Variants in HPCAL1 observed in about 807,000 individuals in gnomAD.
HPCAL1 encodes hippocalcin like 1, also known as hippocalcin-like protein 1.
In HPCAL1, 8 loss-of-function variants were observed where a neutral mutation model predicts 17.1. The ratio of observed to expected loss-of-function variants is 0.47; its 90% CI spans 0.27 to 0.84. HPCAL1 has a LOEUF of 0.84. HPCAL1 is among the 40% of genes least tolerant of loss of function. HPCAL1 has a pLI of 0.13. For missense variants in HPCAL1, 165 were observed against 271.1 expected, an observed-to-expected ratio of 0.61 and a Z score of 2.75; for synonymous variants, 112 against 111.4, an observed-to-expected ratio of 1.01 and a Z score of -0.03.
chr2:10,305,808 A>G (rs529728329), intron 1 of HPCAL1, among the ~76,000 whole-genome samples: 1 of 152,330 alleles, frequency 6.6e-6, no homozygotes, highest in South Asian at 2.1e-4. Flanking sequence ...AGTGCAGTCT[A>G]TGGAAGGACA....
At position 10,342,475 on chromosome 2, in the gene HPCAL1, A is replaced by G. The variant is rs1396838648; in HGVS notation, c.-111+39298A>G. On this transcript the variant is annotated intron_variant, in intron 1 of 4. Coordinates refer to ENST00000307845, the MANE Select transcript of HPCAL1 (RefSeq NM_002149.4). The surrounding 1 kb of genome is among the most constrained non-coding windows in gnomAD (Gnocchi z 4.1). Reference sequence around the variant, plus strand: ...AAAGGGAGGCGTGCAGAAACAACGTAGCTCCAAGGAGGACTGATCAGCCCA... The same window carrying G: ...AAAGGGAGGCGTGCAGAAACAACGTGGCTCCAAGGAGGACTGATCAGCCCA... Among the ~76,000 whole-genome samples, 1 of 141,802 alleles carries G rather than the reference A, an allele frequency of 7.1e-6. No homozygotes were observed. The allele number at this position is 141,802 out of a possible 152,430, so 93.0% of individuals were successfully genotyped here.
intron 1 of HPCAL1, among the ~76,000 whole-genome samples, chr2:10,371,843 G>A (rs917736161): frequency 1.3e-5 from 2 of 152,308 alleles, no homozygotes; most frequent in African/African-American, 2.4e-5. Flanking sequence ...CCTTGGGGAC[G>A]TCTGGCTTTG....
intron 4 of HPCAL1, chr2:10,424,406 C>A (rs1382462598): frequency 6.8e-6 from 3 of 443,924 alleles, no homozygotes; most frequent in African/African-American, 4.0e-5. Flanking sequence ...GCTGTCCGCT[C>A]CTCGTGGGGA....
In HPCAL1 at chr2:10,415,143, G is replaced by A. The variant is rs368294372; in HGVS notation, c.-24-4591G>A. On this transcript the variant is annotated intron_variant, in intron 2 of 4. Coordinates refer to ENST00000307845, the MANE Select transcript of HPCAL1 (RefSeq NM_002149.4). Reference sequence around the variant, plus strand: ...GACATAGCGCAGAGTGGGACAGCCCGGTGGGTCAACCCCTGCCTGGTTCTG... The same window carrying A: ...GACATAGCGCAGAGTGGGACAGCCCAGTGGGTCAACCCCTGCCTGGTTCTG... Among the ~76,000 whole-genome samples the A allele has an allele frequency of 2.3e-3, 347 of 152,352 alleles. 1 individual carries two copies. Among genetic ancestry groups the A allele is most frequent in the African/African-American group, 7.8e-3 (325 of 41,582 alleles).
At position 10,343,394 on chromosome 2, in the gene HPCAL1, G is replaced by A. The variant is rs1432928777; in HGVS notation, c.-111+40217G>A. Among the ~76,000 whole-genome samples the A allele has an allele frequency of 5.3e-5, 8 of 152,252 alleles. No individual in the cohort carries two copies. The highest frequency in any genetic ancestry group is 1.2e-4 in the Non-Finnish European group (8 of 68,042). ...CTCACTAGCATGTGAAGGACTGATA[G>A]CACCATATCTCCCTCCAGGACTCCC... On this transcript the variant is annotated intron_variant, in intron 1 of 4. Coordinates refer to ENST00000307845, the MANE Select transcript of HPCAL1 (RefSeq NM_002149.4). This position sits in a 1 kb window ranked among gnomAD's most constrained non-coding sequence, Gnocchi z 4.8.
chr2:10,352,277 T>C (rs1017581929), intron 1 of HPCAL1, among the ~76,000 whole-genome samples: 1 of 152,114 alleles, frequency 6.6e-6, no homozygotes, highest in Non-Finnish European at 1.5e-5. Context: ...CCTCTCCCCA[T>C]CTCACTGTTC....
At position 10,395,535 on chromosome 2, in the gene HPCAL1, G is replaced by A. The variant is rs1017325573; in HGVS notation, c.-110-1300G>A. 4.6e-5 allele frequency among the ~76,000 whole-genome samples: 7 copies of A among 152,316 alleles called. No homozygotes were observed. Among genetic ancestry groups the A allele is most frequent in the South Asian group, 2.1e-4 (1 of 4,832 alleles). On this transcript the variant is annotated intron_variant, in intron 1 of 4. Coordinates refer to ENST00000307845, the MANE Select transcript of HPCAL1 (RefSeq NM_002149.4). The surrounding 1 kb of genome is among the most constrained non-coding windows in gnomAD (Gnocchi z 4.4). The stretch of plus-strand genomic sequence containing the variant: ...ATTGTGCAGGAGCGAGGGGAGCCCC[G>A]CTGGCACGCCGCACTGTGCTGAGGC...
rs1668181642 is a variant in HPCAL1 at position 10,384,496 on chromosome 2, C to T, written c.-110-12339C>T. Among the ~76,000 whole-genome samples, 1 of 152,174 alleles carries T rather than the reference C, an allele frequency of 6.6e-6. No individual in the cohort carries two copies. Among genetic ancestry groups the T allele is most frequent in the African/African-American group, 2.4e-5 (1 of 41,466 alleles). ...TGCTTGCTTGGTGCACGGTGCTGTG[C>T]TGGGCACTGGGGCAAGGCCCCCTCC... On this transcript the variant is annotated intron_variant, in intron 1 of 4. Transcript: ENST00000307845. This position sits in a 1 kb window ranked among gnomAD's most constrained non-coding sequence, Gnocchi z 4.4.
At chr2:10,399,418 C>CCAT (rs1558518253) in intron 2 of HPCAL1, among the ~76,000 whole-genome samples, 3 of 39,336 alleles carry the variant, frequency 7.6e-5, no homozygotes, top group Non-Finnish European at 1.0e-4. Flanking sequence ...ACCACCACCA[C>CCAT]CACCATCACC....
At position 10,367,877 on chromosome 2, in the gene HPCAL1, G is replaced by C. The variant is rs1666943391; in HGVS notation, c.-110-28958G>C. Among the ~76,000 whole-genome samples, 1 of 152,156 alleles carries C rather than the reference G, an allele frequency of 6.6e-6. No individual in the cohort carries two copies. Among genetic ancestry groups the C allele is most frequent in the South Asian group, 2.1e-4 (1 of 4,830 alleles). On this transcript the variant is annotated intron_variant, in intron 1 of 4. Coordinates refer to ENST00000307845, the MANE Select transcript of HPCAL1 (RefSeq NM_002149.4). The surrounding 1 kb of genome is among the most constrained non-coding windows in gnomAD (Gnocchi z 4.4). Reference sequence around the variant, plus strand: ...TGTGACCCTTACCCTGCCTGCCCTGGGACTGTGTGCCTGTGTGCTTGCATG... The same window carrying C: ...TGTGACCCTTACCCTGCCTGCCCTGCGACTGTGTGCCTGTGTGCTTGCATG...
intron 2 of HPCAL1, among the ~76,000 whole-genome samples, chr2:10,418,472 C>A (rs1001835965): frequency 0.19 from 19,458 of 101,694 alleles, 2,251 homozygotes; most frequent in Non-Finnish European, 0.27. Flanking sequence ...AAAAAAAAAA[C>A]AACCCTGGGA....
chr2:10,418,443 T>G lies in HPCAL1; in HGVS notation c.-24-1291T>G, dbSNP rs1426508700. ...GGAAGGGCAACACAGTGAGACTCCA[T>G]CTCAAAAAAAAAAAAAAAAAAAAAA... On this transcript the variant is annotated intron_variant, in intron 2 of 4. Coordinates refer to ENST00000307845, the MANE Select transcript of HPCAL1 (RefSeq NM_002149.4). Among the ~76,000 whole-genome samples the G allele has an allele frequency of 1.2e-4, 8 of 68,912 alleles. No homozygotes were observed. The South Asian group carries it at 3.3e-3, about 28-fold the overall frequency. 45.2% of individuals were successfully genotyped at this position (68,912 alleles called of 152,430 possible). A position where few individuals can be genotyped will look rare whatever the true frequency, so the allele number is the denominator to read the frequency against.
chr2:10,307,083 C>G (rs1251460078), intron 1 of HPCAL1, among the ~76,000 whole-genome samples: 1 of 152,142 alleles, frequency 6.6e-6, no homozygotes, highest in Non-Finnish European at 1.5e-5. Context: ...AAGCCAGGAG[C>G]CTGGGGGTGG....
rs1663801605 is a variant in HPCAL1, at chr2:10,323,466, C to T, written c.-111+20289C>T. On this transcript the variant is annotated intron_variant, in intron 1 of 4. Coordinates refer to ENST00000307845, the MANE Select transcript of HPCAL1 (RefSeq NM_002149.4). The surrounding 1 kb of genome is among the most constrained non-coding windows in gnomAD (Gnocchi z 4.6). Reference sequence around the variant, plus strand: ...TCTGGCCCCAGGCCTGCACCTGGCCCTGGCAGTGGGCGCACGTTAGGTGGG... The same window carrying T: ...TCTGGCCCCAGGCCTGCACCTGGCCTTGGCAGTGGGCGCACGTTAGGTGGG... Among the ~76,000 whole-genome samples the T allele has an allele frequency of 1.3e-5, 2 of 152,240 alleles. No homozygotes were observed. Among genetic ancestry groups the T allele is most frequent in the African/African-American group, 4.8e-5 (2 of 41,458 alleles).
chr2:10,400,202 C>T (rs997114449), intron 2 of HPCAL1, among the ~76,000 whole-genome samples: 9 of 152,232 alleles, frequency 5.9e-5, no homozygotes, highest in South Asian at 2.1e-4. Flanking sequence ...GGCGAGCAGG[C>T]GGCTCAGCCA....
At chr2:10,308,090 A>G (rs1662734713) in intron 1 of HPCAL1, among the ~76,000 whole-genome samples, 1 of 151,806 alleles carries the variant, frequency 6.6e-6, no homozygotes, top group African/African-American at 2.4e-5. Context: ...TATGGAGGGG[A>G]GCTCCTACCC....
At chr2:10,374,901 C>T (rs1442219735) in intron 1 of HPCAL1, among the ~76,000 whole-genome samples, 1 of 152,216 alleles carries the variant, frequency 6.6e-6, no homozygotes, top group Admixed American at 6.5e-5. Context: ...TCCTTATTCA[C>T]CCAGAGAATA....
chr2:10,346,590 C>T (rs966355372), intron 1 of HPCAL1, among the ~76,000 whole-genome samples: 2 of 152,200 alleles, frequency 1.3e-5, no homozygotes, highest in South Asian at 2.1e-4. Flanking sequence ...AAAGCACTGT[C>T]CAGTTGACAT....
chr2:10,399,818 C>T (rs1449167862), intron 2 of HPCAL1, among the ~76,000 whole-genome samples: 4 of 152,182 alleles, frequency 2.6e-5, no homozygotes, highest in Admixed American at 2.6e-4. Context: ...ACCAGCCTCC[C>T]TCTCCACGTC....
Sources: gnomAD v4.1 joint callset for allele counts (sites outside exome capture counted in the v4.1 genomes callset) on GRCh38, gnomAD v4.1.1 for gene constraint, Gnocchi (gnomAD v3.1) non-coding constraint, MANE v1.5 for transcripts, NCBI Gene and HGNC (gene_info 2026-07-23, HGNC 2026-07-21) for gene names.